TMEM131: variants seen among roughly 807,000 people sequenced by gnomAD.
TMEM131 encodes transmembrane protein 131.
In TMEM131, 66 loss-of-function variants were observed where a neutral mutation model predicts 211.6. The observed-to-expected ratio is 0.31, with a 90% CI of 0.26 to 0.38. The LOEUF is 0.38. Among genes scored for constraint, TMEM131 ranks in the 10% least tolerant of loss-of-function variants. The pLI, the probability that TMEM131 is intolerant of heterozygous loss-of-function variation, is 1.00. For missense variants in TMEM131, 2,036 were observed against 2,299.3 expected, an observed-to-expected ratio of 0.89 and a Z score of 2.34; for synonymous variants, 844 against 841.3, an observed-to-expected ratio of 1.00 and a Z score of -0.06.
chr2:97,865,578 C>A lies in TMEM131; in HGVS notation c.360-6151G>T, dbSNP rs540121477. Among the ~76,000 whole-genome samples, 24 of 152,290 alleles carry A rather than the reference C, an allele frequency of 1.6e-4. No individual in the cohort carries two copies. In the East Asian group the frequency reaches 4.4e-3, roughly 28 times the overall value. ...ATTGATTTTTTCAATGTTAAACCAACCCTGCATTCTTGAGATAAATGTCAC... is the reference window on the plus strand; with the variant it reads ...ATTGATTTTTTCAATGTTAAACCAAACCTGCATTCTTGAGATAAATGTCAC... On this transcript the variant is annotated intron_variant, in intron 4 of 40. Coordinates refer to ENST00000186436, the MANE Select transcript of TMEM131 (RefSeq NM_015348.2).
intron 3 of TMEM131, among the ~76,000 whole-genome samples, chr2:97,899,419 T>C (rs1181715406): frequency 6.6e-6 from 1 of 151,860 alleles, no homozygotes; most frequent in Non-Finnish European, 1.5e-5. Context: ...TATAGAAAAA[T>C]GGGTAGAACA....
intron 35 of TMEM131, chr2:97,765,035 T>A (rs1183408303): frequency 2.6e-5 from 4 of 152,182 alleles, no homozygotes; most frequent in Non-Finnish European, 1.5e-5. Context: ...CGTGGAGTGT[T>A]AAGCCAAGAG....
intron 31 of TMEM131, among the ~76,000 whole-genome samples, chr2:97,789,599 C>T (rs1019116913): frequency 1.2e-4 from 19 of 152,296 alleles, no homozygotes; most frequent in African/African-American, 2.9e-4. Flanking sequence ...GGCCTCAGGA[C>T]GCCACACCTC....
At chr2:97,990,367 T>C (rs1466264557) in intron 1 of TMEM131, among the ~76,000 whole-genome samples, 3 of 152,132 alleles carry the variant, frequency 2.0e-5, no homozygotes, top group Admixed American at 1.3e-4. Flanking sequence ...GGGTTTTGCA[T>C]GAACTGTCAA....
intron 4 of TMEM131, among the ~76,000 whole-genome samples, chr2:97,865,915 C>T (rs533321391): frequency 5.9e-5 from 9 of 152,228 alleles, no homozygotes; most frequent in African/African-American, 2.2e-4. Context: ...TGGAGTCTCG[C>T]TCTGTCACCC....
intron 1 of TMEM131, among the ~76,000 whole-genome samples, chr2:97,965,470 G>T (rs1343149472): frequency 6.6e-6 from 1 of 152,122 alleles, no homozygotes; most frequent in African/African-American, 2.4e-5. Context: ...CTGGACTCGG[G>T]GTACCCGCCA....
At chr2:97,803,933 A>G (rs1344009816) in intron 22 of TMEM131, among the ~76,000 whole-genome samples, 2 of 152,236 alleles carry the variant, frequency 1.3e-5, no homozygotes, top group Non-Finnish European at 2.9e-5. Flanking sequence ...GTGTTCTCTT[A>G]GCAAGTCCAT....
chr2:97,989,797 T>C (rs970091379), intron 1 of TMEM131, among the ~76,000 whole-genome samples: 1 of 152,216 alleles, frequency 6.6e-6, no homozygotes, highest in Non-Finnish European at 1.5e-5. Context: ...AAACCCTCCA[T>C]CTGTGGTTTT....
At chr2:97,816,091 A>G (rs1456801802) in intron 12 of TMEM131, among the ~76,000 whole-genome samples, 1 of 152,224 alleles carries the variant, frequency 6.6e-6, no homozygotes, top group Non-Finnish European at 1.5e-5. Context: ...CGGTAATCCC[A>G]GCACTTTGCC....
At chr2:97,941,030 A>C (rs1423242695) in intron 1 of TMEM131, among the ~76,000 whole-genome samples, 1 of 152,222 alleles carries the variant, frequency 6.6e-6, no homozygotes, top group Non-Finnish European at 1.5e-5. Context: ...ATCCTAAGCC[A>C]AAAGAACAAA....
intron 1 of TMEM131, among the ~76,000 whole-genome samples, chr2:97,964,542 A>C (rs562335775): frequency 1.3e-5 from 2 of 152,262 alleles, no homozygotes; most frequent in Non-Finnish European, 2.9e-5. Flanking sequence ...TATTTTTATC[A>C]TATCAAGCTT....
At chr2:97,829,812 T>A (rs540840304) in intron 11 of TMEM131, among the ~76,000 whole-genome samples, 2 of 152,316 alleles carry the variant, frequency 1.3e-5, no homozygotes, top group South Asian at 4.1e-4. Context: ...TTGACCATTT[T>A]TCAATATGCT....
In TMEM131 at chr2:97,814,084, T is replaced by C; in HGVS notation, c.1504A>G (p.Thr502Ala). The stretch of plus-strand genomic sequence containing the variant: ...GATGTGGAAGGCATAAAAAGCAGGG[T>C]AAAAATGTATCCTGATTCATTAGGA... ...ILPNESGYIF[T>A]LLFMPSTSSM... Residue 502 changes from threonine (T) to alanine (A), a missense_variant, in exon 15 of 41, where the codon ACC (threonine) becomes GCC (alanine). Coordinates refer to ENST00000186436, the MANE Select transcript of TMEM131 (RefSeq NM_015348.2). 6.2e-7 allele frequency: 1 copy of C among 1,604,866 alleles called. No homozygotes were observed. The highest frequency in any genetic ancestry group is 8.5e-7 in the Non-Finnish European group (1 of 1,174,970).
intron 3 of TMEM131, among the ~76,000 whole-genome samples, chr2:97,898,926 G>A (rs776074608): frequency 1.3e-5 from 2 of 152,074 alleles, no homozygotes; most frequent in Non-Finnish European, 2.9e-5. Flanking sequence ...CTTGGTGGAT[G>A]TAGTGTTTAA....
intron 14 of TMEM131, 36 bp from the exon 15 acceptor site, chr2:97,814,177 C>T: frequency 1.2e-6 from 2 of 1,612,142 alleles, no homozygotes; most frequent in East Asian, 4.5e-5. Flanking sequence ...AACAAAGTGT[C>T]AGCATCACCT....
chr2:97,837,813 G>A (rs60576855), intron 7 of TMEM131, among the ~76,000 whole-genome samples: 3,092 of 152,196 alleles, frequency 0.02, 112 homozygotes, highest in African/African-American at 0.071. Flanking sequence ...AACCATCACT[G>A]TAATTAAGAT....
In TMEM131 at chr2:97,759,710, A is replaced by C; in HGVS notation, c.5148T>G (p.Pro1716=). The stretch of plus-strand genomic sequence containing the variant: ...AGAACGAATTGAGGGGAGTGAAGTC[A>C]GGGCTGCTTGGGTTGCTGACGGGAC... ...LWSPVSNPSS[P]DFTPLNSFSA... is the part of the protein sequence containing the mutation. The change falls in exon 39 of 41, where the codon CCT becomes CCG. Residue 1716 remains proline (P), a synonymous_variant. Coordinates refer to ENST00000186436, the MANE Select transcript of TMEM131 (RefSeq NM_015348.2). 1 of 1,613,748 alleles carries C rather than the reference A, an allele frequency of 6.2e-7. No homozygotes were observed. The highest frequency in any genetic ancestry group is 8.5e-7 in the Non-Finnish European group (1 of 1,179,792).
intron 33 of TMEM131, among the ~76,000 whole-genome samples, chr2:97,771,593 G>A (rs1679465617): frequency 6.6e-6 from 1 of 152,220 alleles, no homozygotes; most frequent in Non-Finnish European, 1.5e-5. Context: ...GCTGATGACA[G>A]TTCTATACAA....
At chr2:97,906,400 C>G (rs6543202) in intron 3 of TMEM131, among the ~76,000 whole-genome samples, 114,254 of 152,158 alleles carry the variant, frequency 0.75, 44,600 homozygotes, top group African/African-American at 0.87. Flanking sequence ...GTTGTAAATT[C>G]TGTCTACAAA....
Sources: gnomAD v4.1 joint callset for allele counts (sites outside exome capture counted in the v4.1 genomes callset) on GRCh38, gnomAD v4.1.1 for gene constraint, MANE v1.5 for transcripts, NCBI Gene and HGNC (gene_info 2026-07-23, HGNC 2026-07-21) for gene names.